Variants in PTPRD observed in about 807,000 individuals in gnomAD.
The protein encoded by PTPRD is protein tyrosine phosphatase receptor type D, also known as receptor-type tyrosine-protein phosphatase delta.
A neutral mutation model predicts 214.5 loss-of-function variants in PTPRD; 34 were observed. The ratio of observed to expected loss-of-function variants is 0.16; its 90% CI spans 0.12 to 0.21. PTPRD has a LOEUF of 0.21. Among genes scored for constraint, PTPRD ranks in the 10% least tolerant of loss-of-function variants. The probability of loss-of-function intolerance (pLI) is 1.00; values close to 1 mark genes in which losing one functional copy is unlikely to be tolerated. For synonymous variants in PTPRD, 1,128 were observed against 845.7 expected (o/e 1.33, Z -5.79); for missense variants, 2,545 against 2,398.7 (o/e 1.06, Z -1.27).
intron 9 of PTPRD, among the ~76,000 whole-genome samples, chr9:9,260,483 C>G (rs937628516): frequency 2.0e-5 from 3 of 151,898 alleles, no homozygotes; most frequent in Non-Finnish European, 2.9e-5. Context: ...AATAGCGCCT[C>G]TTGTCATTTT....
chr9:8,631,343 T>A (rs2096245382), intron 14 of PTPRD, among the ~76,000 whole-genome samples: 1 of 151,904 alleles, frequency 6.6e-6, no homozygotes, highest in African/African-American at 2.4e-5. Context: ...TTCATACAGT[T>A]CAGTTACCTG....
intron 3 of PTPRD, among the ~76,000 whole-genome samples, chr9:10,242,695 A>AG (rs1186547912): frequency 6.6e-6 from 1 of 150,952 alleles, no homozygotes; most frequent in Non-Finnish European, 1.5e-5. Context: ...CTTAATTAAA[A>AG]AAAAATCTCC....
At chr9:10,065,625 A>G (rs763738095) in intron 3 of PTPRD, among the ~76,000 whole-genome samples, 2 of 151,962 alleles carry the variant, frequency 1.3e-5, no homozygotes, top group Non-Finnish European at 2.9e-5. Context: ...TTTCTTAGCT[A>G]CAGATTGCTT....
intron 7 of PTPRD, among the ~76,000 whole-genome samples, chr9:9,596,629 A>T (rs1404259775): frequency 1.3e-5 from 2 of 152,026 alleles, no homozygotes; most frequent in East Asian, 1.9e-4. Flanking sequence ...GTGACAAATA[A>T]AAAGCTGAAT....
chr9:10,435,910 T>C (rs969726899), intron 2 of PTPRD, among the ~76,000 whole-genome samples: 8 of 151,804 alleles, frequency 5.3e-5, no homozygotes, highest in African/African-American at 1.9e-4. Context: ...CCTTTGCTTT[T>C]CATGTTTTCA....
chr9:10,248,003 A>T (rs2092358175), intron 3 of PTPRD, among the ~76,000 whole-genome samples: 2 of 152,118 alleles, frequency 1.3e-5, no homozygotes, highest in Non-Finnish European at 2.9e-5. Flanking sequence ...ACAAGACCTG[A>T]TGGCTTTAAA....
chr9:9,587,468 T>A (rs1356764026), intron 7 of PTPRD, among the ~76,000 whole-genome samples: 1 of 152,064 alleles, frequency 6.6e-6, no homozygotes, highest in Non-Finnish European at 1.5e-5. Context: ...CAGATTTATA[T>A]GCTGTTAGAA....
chr9:10,169,480 A>AAAG (rs2099186541), intron 3 of PTPRD, among the ~76,000 whole-genome samples: 1 of 150,402 alleles, frequency 6.6e-6, no homozygotes, highest in South Asian at 2.1e-4. Flanking sequence ...TCTCAAAAAA[A>AAAG]AAAAAAAAAA....
intron 3 of PTPRD, among the ~76,000 whole-genome samples, chr9:10,238,527 A>G (rs2099636593): frequency 6.6e-6 from 1 of 151,912 alleles, no homozygotes; most frequent in African/African-American, 2.4e-5. Context: ...TTCCAAAATA[A>G]AACACTTAAA....
intron 8 of PTPRD, among the ~76,000 whole-genome samples, chr9:9,549,275 C>G (rs923329106): frequency 6.6e-6 from 1 of 152,038 alleles, no homozygotes; most frequent in Non-Finnish European, 1.5e-5. Flanking sequence ...ATTACACACA[C>G]AGACACACAC....
intron 5 of PTPRD, among the ~76,000 whole-genome samples, chr9:9,927,482 C>T: frequency 6.6e-6 from 1 of 152,128 alleles, no homozygotes; most frequent in East Asian, 1.9e-4. Context: ...ATTCAGCTTT[C>T]CTCAAGAAGC....
intron 27 of PTPRD, among the ~76,000 whole-genome samples, chr9:8,487,021 A>G (rs1446646307): frequency 6.6e-6 from 1 of 152,172 alleles, no homozygotes; most frequent in Non-Finnish European, 1.5e-5. Flanking sequence ...ACAAAATAAT[A>G]TCGTATTGAC....
chr9:8,400,534 G>C (rs1308069470), intron 36 of PTPRD, among the ~76,000 whole-genome samples: 1 of 152,154 alleles, frequency 6.6e-6, no homozygotes, highest in African/African-American at 2.4e-5. Flanking sequence ...TTATCCATAA[G>C]GCTAATGCCA....
intron 5 of PTPRD, among the ~76,000 whole-genome samples, chr9:9,774,768 A>G (rs905833483): frequency 1.3e-5 from 2 of 152,180 alleles, no homozygotes; most frequent in Non-Finnish European, 2.9e-5. Flanking sequence ...ACAGTGTGTC[A>G]TAGCCTTAAC....
intron 3 of PTPRD, among the ~76,000 whole-genome samples, chr9:10,159,676 A>G (rs912035858): frequency 6.7e-6 from 1 of 149,332 alleles, no homozygotes; most frequent in Non-Finnish European, 1.5e-5. Flanking sequence ...TTTTAAAATC[A>G]AACAGAAATC....
At chr9:9,529,179 G>A (rs188696923) in intron 8 of PTPRD, among the ~76,000 whole-genome samples, 31 of 150,966 alleles carry the variant, frequency 2.1e-4, no homozygotes, top group Admixed American at 1.6e-3. Context: ...TGATCCGCCC[G>A]CCTTGGCCTC....
In PTPRD at chr9:8,832,079, C is replaced by T. The variant is rs888390367; in HGVS notation, c.-103-98133G>A. On this transcript the variant is annotated intron_variant, in intron 11 of 45. Coordinates refer to ENST00000381196, the MANE Select transcript of PTPRD (RefSeq NM_002839.4). ...ATGTGCACTGAATGCAAACAGTAGC[C>T]GGTGATTTAAATATGTATGTGTATA... Among the ~76,000 whole-genome samples, 17 of 148,980 alleles carry T rather than the reference C, an allele frequency of 1.1e-4. No individual in the cohort carries two copies. The East Asian group carries it at 2.0e-3, about 17-fold the overall frequency.
intron 2 of PTPRD, among the ~76,000 whole-genome samples, chr9:10,522,017 G>A (rs141858091): frequency 6.6e-6 from 1 of 152,058 alleles, no homozygotes; most frequent in Admixed American, 6.6e-5. Flanking sequence ...GTTAGGGAAG[G>A]GATGTATACA....
At chr9:8,346,381 T>C (rs2132859750) in intron 39 of PTPRD, among the ~76,000 whole-genome samples, 1 of 152,284 alleles carries the variant, frequency 6.6e-6, no homozygotes, top group Admixed American at 6.5e-5. Context: ...GGTGAAAACA[T>C]CATATAGAGT....
Sources: allele counts gnomAD v4.1 joint callset (sites outside exome capture counted in the v4.1 genomes callset), GRCh38; gene constraint gnomAD v4.1.1; transcripts MANE v1.5; gene names NCBI Gene and HGNC (gene_info 2026-07-23, HGNC 2026-07-21).